The following DMRT1 variants were observed in gnomAD, a reference collection of about 807,000 sequenced individuals.
DMRT1 encodes doublesex- and mab-3-related transcription factor 1.
In DMRT1, 7 loss-of-function variants were observed where a neutral mutation model predicts 32.3. That is an observed-to-expected ratio of 0.22 (90% CI 0.12 to 0.41). The LOEUF (loss-of-function observed/expected upper bound fraction) is 0.41, where lower values mean the gene tolerates loss of function less well. Among genes scored for constraint, DMRT1 ranks in the 10% least tolerant of loss-of-function variants. The pLI is 1.00. For synonymous variants in DMRT1, 278 were observed against 206.1 expected, an observed-to-expected ratio of 1.35 and a Z score of -2.99; for missense variants, 625 against 500.5, an observed-to-expected ratio of 1.25 and a Z score of -2.37.
chr9:933,693 C>T (rs1315832617), intron 4 of DMRT1, among the ~76,000 whole-genome samples: 1 of 152,210 alleles, frequency 6.6e-6, no homozygotes, highest in Non-Finnish European at 1.5e-5. Context: ...TCCTCTGTCA[C>T]ACCAGGCCCA....
intron 4 of DMRT1, among the ~76,000 whole-genome samples, chr9:959,569 C>T (rs1476914653): frequency 6.6e-6 from 1 of 152,184 alleles, no homozygotes; most frequent in Non-Finnish European, 1.5e-5. Context: ...TGCTCTGTTG[C>T]CCAGGCTGGA....
At chr9:898,211 C>T (rs1817446904) in intron 3 of DMRT1, among the ~76,000 whole-genome samples, 1 of 152,100 alleles carries the variant, frequency 6.6e-6, no homozygotes, top group Non-Finnish European at 1.5e-5. Context: ...CCTCCACCTC[C>T]CAGGTTCAAG....
intron 1 of DMRT1, among the ~76,000 whole-genome samples, chr9:846,052 G>C (rs145084268): frequency 7.0e-6 from 1 of 142,828 alleles, no homozygotes; most frequent in Admixed American, 7.2e-5. Context: ...TTTTTTTGGA[G>C]ACATAGTCTT....
At chr9:869,164 C>G (rs72699228) in intron 2 of DMRT1, among the ~76,000 whole-genome samples, 2 of 152,166 alleles carry the variant, frequency 1.3e-5, no homozygotes, top group South Asian at 4.2e-4. Context: ...AGATTTTTAT[C>G]CGGGGGCGGA....
chr9:846,899 T>C, intron 1 of DMRT1, 61 bp from the exon 2 acceptor site: 4 of 1,601,432 alleles, frequency 2.5e-6, no homozygotes, highest in Non-Finnish European at 3.4e-6. Context: ...GTGGGGCTTC[T>C]GTGTTTTGGC....
intron 2 of DMRT1, among the ~76,000 whole-genome samples, chr9:861,986 C>T (rs1039677180): frequency 1.3e-5 from 2 of 151,268 alleles, no homozygotes; most frequent in South Asian, 2.1e-4. Flanking sequence ...GACGGGATGA[C>T]GGCCGGGAAG....
chr9:847,053 G>A lies in DMRT1; in HGVS notation c.448G>A (p.Glu150Lys), dbSNP rs752289452. ...TGCGGCCGAGCTGCTTGTCAAAAGA[G>A]AGAACAATGGCAGTAACCCGTGCCT... ...PSAAELLVKR[E>K]NNGSNPCLMT... Residue 150 changes from glutamate to lysine, a missense_variant, in exon 2 of 5, where the codon GAG (glutamate) becomes AAG (lysine). By Grantham distance (56) the Glu-to-Lys change is moderately conservative (BLOSUM62 1). Coordinates refer to ENST00000382276, the MANE Select transcript of DMRT1 (RefSeq NM_021951.3). The A allele has an allele frequency of 1.2e-6, 2 of 1,613,986 alleles. No homozygotes were observed. Among genetic ancestry groups the A allele is most frequent in the African/African-American group, 2.7e-5 (2 of 74,932 alleles).
At chr9:899,539 T>C (rs550039656) in intron 3 of DMRT1, among the ~76,000 whole-genome samples, 4 of 152,306 alleles carry the variant, frequency 2.6e-5, no homozygotes, top group African/African-American at 7.2e-5. Context: ...TCAGCCTGTG[T>C]AGGAGATTTG....
At chr9:896,034 C>G (rs1256337349) in intron 3 of DMRT1, among the ~76,000 whole-genome samples, 3 of 151,804 alleles carry the variant, frequency 2.0e-5, no homozygotes, top group African/African-American at 7.3e-5. Context: ...GTATCTCTTG[C>G]CCTTGTGATT....
Position 964,219 on chromosome 9 carries a change from C to CT in DMRT1, c.968-3760dup, listed in dbSNP as rs371050458. 3.9e-3 allele frequency among the ~76,000 whole-genome samples: 585 copies of CT among 151,474 alleles called. 2 individuals carry two copies. The highest frequency in any genetic ancestry group is 0.014 in the African/African-American group (560 of 41,238). On this transcript the variant is annotated intron_variant, in intron 4 of 4. Transcript: ENST00000382276. Reference sequence around the variant, plus strand: ...GTGGTTTTTTTTTTAAGAAGGTTTTCTTTTTTGACAGTATAAATATTTTTC... The same window carrying CT: ...GTGGTTTTTTTTTTAAGAAGGTTTTCTTTTTTTGACAGTATAAATATTTTTC...
At chr9:859,736 T>G (rs751838719) in intron 2 of DMRT1, among the ~76,000 whole-genome samples, 1 of 152,190 alleles carries the variant, frequency 6.6e-6, no homozygotes, top group Admixed American at 6.5e-5. Context: ...ACAATACCAC[T>G]GAACATGCTT....
chr9:853,576 G>A lies in DMRT1; in HGVS notation c.538+6433G>A, dbSNP rs1225931073. Reference sequence around the variant, plus strand: ...CAATCTCCGCCTCCCAGGTTCAAGCGATTTTCCTGTCTCAGCCTCCTGAAT... The same window carrying A: ...CAATCTCCGCCTCCCAGGTTCAAGCAATTTTCCTGTCTCAGCCTCCTGAAT... On this transcript the variant is annotated intron_variant, in intron 2 of 4. Transcript: ENST00000382276. Among the ~76,000 whole-genome samples the A allele has an allele frequency of 5.4e-5, 8 of 149,314 alleles. No homozygotes were observed. The East Asian group carries it at 1.2e-3, about 22-fold the overall frequency.
At chr9:868,834 G>A (rs935976553) in intron 2 of DMRT1, among the ~76,000 whole-genome samples, 1 of 152,072 alleles carries the variant, frequency 6.6e-6, no homozygotes, top group Non-Finnish European at 1.5e-5. Context: ...ACATGGTGAA[G>A]CCCCATTCCT....
chr9:876,872 C>T (rs1299882174), intron 2 of DMRT1, among the ~76,000 whole-genome samples: 1 of 151,866 alleles, frequency 6.6e-6, no homozygotes, highest in Non-Finnish European at 1.5e-5. Context: ...TCCACGGCTC[C>T]CTTTTCCCCT....
At chr9:869,727 AT>A (rs1448616412) in intron 2 of DMRT1, among the ~76,000 whole-genome samples, 1 of 152,136 alleles carries the variant, frequency 6.6e-6, no homozygotes, top group Non-Finnish European at 1.5e-5. Flanking sequence ...ATCCCCGAGA[AT>A]TTAATAATCT....
chr9:867,206 G>C (rs1190111318), intron 2 of DMRT1, among the ~76,000 whole-genome samples: 1 of 152,088 alleles, frequency 6.6e-6, no homozygotes, highest in Non-Finnish European at 1.5e-5. Flanking sequence ...AAAAAACAAA[G>C]CATAATAAGG....
intron 3 of DMRT1, among the ~76,000 whole-genome samples, chr9:897,090 A>ATATTATTATTATTATTAT (rs35331172): frequency 2.8e-5 from 4 of 141,172 alleles, no homozygotes; most frequent in African/African-American, 7.8e-5. Context: ...TTTTGGAATC[A>ATATTATTATTATTATTAT]TATTATTATT....
At chr9:842,895 G>T (rs1838748500) in intron 1 of DMRT1, 1 of 152,408 alleles carries the variant, frequency 6.6e-6, no homozygotes, top group Non-Finnish European at 1.5e-5. Context: ...CGTTCCAACA[G>T]AATTGGGAGG....
intron 4 of DMRT1, among the ~76,000 whole-genome samples, chr9:931,591 C>T (rs926334744): frequency 6.6e-6 from 1 of 152,208 alleles, no homozygotes; most frequent in African/African-American, 2.4e-5. Context: ...GTCAGAGTTG[C>T]TTTCCGGTAA....
Sources: gnomAD v4.1 joint callset for allele counts (sites outside exome capture counted in the v4.1 genomes callset) on GRCh38, gnomAD v4.1.1 for gene constraint, MANE v1.5 for transcripts, NCBI Gene and HGNC (gene_info 2026-07-23, HGNC 2026-07-21) for gene names.